Variants in ZNF831 observed in about 807,000 individuals in gnomAD.
ZNF831 encodes zinc finger protein 831.
Under a neutral mutation model 95.8 loss-of-function variants are expected in ZNF831, and 59 were observed. That is an observed-to-expected ratio of 0.62 (90% CI 0.50 to 0.77). The LOEUF (loss-of-function observed/expected upper bound fraction) is 0.77, where lower values mean the gene tolerates loss of function less well. Ranked by LOEUF, ZNF831 falls within the 30% of genes least tolerant of loss-of-function variation. The pLI is 0.00. For synonymous variants in ZNF831, 961 were observed against 925.5 expected, an observed-to-expected ratio of 1.04 and a Z score of -0.70; for missense variants, 2,205 against 2,164.0, an observed-to-expected ratio of 1.02 and a Z score of -0.38.
chr20:59,194,763 G>T lies in ZNF831; in HGVS notation c.3738+6G>T. ...GGCCGGCGCAGATGTCCAAGGTAAA[G>T]CTGGGCTTTGCCCCAGGGCCCGGGG... On this transcript the variant is annotated splice_donor_region_variant and intron_variant, in intron 2 of 5. Coordinates refer to ENST00000371030, the MANE Select transcript of ZNF831 (RefSeq NM_178457.3). 6.5e-7 allele frequency: 1 copy of T among 1,543,114 alleles called. No homozygotes were observed. The highest frequency in any genetic ancestry group is 8.7e-7 in the Non-Finnish European group (1 of 1,147,150).
chr20:59,248,816 C>T (rs1317909476), intron 4 of ZNF831, among the ~76,000 whole-genome samples: 3 of 152,174 alleles, frequency 2.0e-5, no homozygotes, highest in Non-Finnish European at 4.4e-5. Context: ...CTTGAATCCA[C>T]CCCTTTTTTC....
At chr20:59,229,394 A>G (rs1294796519) in intron 4 of ZNF831, among the ~76,000 whole-genome samples, 1 of 152,172 alleles carries the variant, frequency 6.6e-6, no homozygotes, top group Admixed American at 6.5e-5. Context: ...TCTGCTGGCC[A>G]AGGAGAGTCA....
chr20:59,174,151 G>A (rs1981958252), intron 1 of ZNF831, among the ~76,000 whole-genome samples: 1 of 152,162 alleles, frequency 6.6e-6, no homozygotes, highest in Admixed American at 6.5e-5. Context: ...CTTGTGGCAT[G>A]CATAGAGGAA....
intron 1 of ZNF831, among the ~76,000 whole-genome samples, chr20:59,183,768 A>G (rs532836062): frequency 6.6e-6 from 1 of 152,320 alleles, no homozygotes; most frequent in South Asian, 2.1e-4. Flanking sequence ...AGGTTTGCAG[A>G]AAAATGAGGA....
chr20:59,251,268 C>T (rs1011159265), intron 4 of ZNF831, among the ~76,000 whole-genome samples: 8 of 152,202 alleles, frequency 5.3e-5, no homozygotes, highest in East Asian at 3.8e-4. Context: ...GAATGAAGAT[C>T]GACCCAGGCT....
chr20:59,225,348 A>G (rs1169772555), intron 4 of ZNF831, among the ~76,000 whole-genome samples: 4 of 152,210 alleles, frequency 2.6e-5, no homozygotes, highest in Non-Finnish European at 5.9e-5. Context: ...TGGTCCTGAC[A>G]GCTCAAGTCT....
intron 1 of ZNF831, among the ~76,000 whole-genome samples, chr20:59,144,154 CAG>C (rs1568723735): frequency 6.6e-6 from 1 of 152,070 alleles, no homozygotes; most frequent in African/African-American, 2.4e-5. Flanking sequence ...TCATCTGAAG[CAG>C]AGTTTTTACT....
intron 2 of ZNF831, among the ~76,000 whole-genome samples, chr20:59,158,819 C>T (rs1980682052): frequency 6.6e-6 from 1 of 152,094 alleles, no homozygotes; most frequent in Admixed American, 6.5e-5. Flanking sequence ...CACAGAAATT[C>T]CCACATCCCT....
chr20:59,253,762 T>C, intron 5 of ZNF831, 136 bp from the exon 6 acceptor site: 1 of 976,524 alleles, frequency 1.0e-6, no homozygotes, highest in Non-Finnish European at 1.5e-6. Flanking sequence ...GGGCGTCATA[T>C]TGAAGTTCAC....
At chr20:59,137,894 C>G (rs1237133147) in intron 1 of ZNF831, among the ~76,000 whole-genome samples, 2 of 152,172 alleles carry the variant, frequency 1.3e-5, no homozygotes, top group African/African-American at 4.8e-5. Flanking sequence ...AGACTGTGGC[C>G]CCTTCCTCAC....
chr20:59,128,815 G>A (rs1385794179), intron 1 of ZNF831, among the ~76,000 whole-genome samples: 1 of 152,228 alleles, frequency 6.6e-6, no homozygotes, highest in Non-Finnish European at 1.5e-5. Flanking sequence ...AGGCTGGAGT[G>A]CAGTGGTGCA....
intron 2 of ZNF831, among the ~76,000 whole-genome samples, chr20:59,152,312 T>TGGGA (rs140844): frequency 0.084 from 12,744 of 151,590 alleles, 1,153 homozygotes; most frequent in African/African-American, 0.23. Flanking sequence ...GGTTCGGGAG[T>TGGGA]GGGAGATCAC....
intron 3 of ZNF831, among the ~76,000 whole-genome samples, chr20:59,201,755 G>A (rs2146623580): frequency 6.6e-6 from 1 of 152,266 alleles, no homozygotes; most frequent in Non-Finnish European, 1.5e-5. Context: ...ATACCACACT[G>A]ACTTGATTAC....
chr20:59,183,248 C>T (rs1038075094), intron 1 of ZNF831, among the ~76,000 whole-genome samples: 2 of 152,192 alleles, frequency 1.3e-5, no homozygotes, highest in Non-Finnish European at 2.9e-5. Context: ...TGGAGCCAGG[C>T]CTGACCTTAC....
chr20:59,241,261 G>C (rs1294304713), intron 4 of ZNF831, among the ~76,000 whole-genome samples: 1 of 151,652 alleles, frequency 6.6e-6, no homozygotes, highest in East Asian at 1.9e-4. Flanking sequence ...GCTAAGTCTT[G>C]ATATTTTATT....
rs1983679114 is a variant in ZNF831, at chr20:59,192,583, C to T, written c.1564C>T (p.Pro522Ser). The T allele has an allele frequency of 6.6e-7, 1 of 1,513,542 alleles. No individual in the cohort carries two copies. The highest frequency in any genetic ancestry group is 1.3e-5 in the South Asian group (1 of 74,762). 93.8% of individuals were successfully genotyped at this position (1,513,542 alleles called of 1,614,324 possible). A position where few individuals can be genotyped will look rare whatever the true frequency, so the allele number is the denominator to read the frequency against. The change falls in exon 2 of 6, where the codon CCC becomes TCC. Residue 522 changes from proline (P) to serine (S), a missense_variant. By Grantham distance (74) the Pro-to-Ser change is moderately conservative. Transcript: ENST00000371030. This position sits in a 1 kb window ranked among gnomAD's most constrained non-coding sequence, Gnocchi z 5.2. ...GSRTWLEPRE[P>S]RDPWSRTQKP... Reference sequence around the variant, plus strand: ...CAGGACGTGGCTGGAGCCCAGGGAGCCCCGGGACCCCTGGTCCAGGACGCA... The same window carrying T: ...CAGGACGTGGCTGGAGCCCAGGGAGTCCCGGGACCCCTGGTCCAGGACGCA...
At chr20:59,199,512 G>A (rs560420588) in intron 3 of ZNF831, among the ~76,000 whole-genome samples, 2 of 151,998 alleles carry the variant, frequency 1.3e-5, no homozygotes, top group East Asian at 3.9e-4. Context: ...GATTTTTAAG[G>A]TCAACATTGT....
intron 3 of ZNF831, 42 bp from the exon 4 acceptor site, chr20:59,206,863 T>C: frequency 6.3e-7 from 1 of 1,592,462 alleles, no homozygotes; most frequent in South Asian, 1.1e-5. Context: ...AGGCATGTGC[T>C]CTCCAGGCTG....
Position 59,201,289 on chromosome 20 carries a change from C to A in ZNF831, c.3875+5284C>A, listed in dbSNP as rs576636650. ...TTTAGCATTTGTATATCTTCTCTGG[C>A]GAAGTGTCTCTTCAAATCTTTTGCG... On this transcript the variant is annotated intron_variant, in intron 3 of 5. Coordinates refer to ENST00000371030, the MANE Select transcript of ZNF831 (RefSeq NM_178457.3). Among the ~76,000 whole-genome samples the A allele has an allele frequency of 2.0e-5, 3 of 152,084 alleles. No homozygotes were observed. The East Asian group carries it at 5.8e-4, about 29-fold the overall frequency.
Sources: gnomAD v4.1 joint callset for allele counts (sites outside exome capture counted in the v4.1 genomes callset) on GRCh38, gnomAD v4.1.1 for gene constraint, Gnocchi (gnomAD v3.1) non-coding constraint, MANE v1.5 for transcripts, NCBI Gene and HGNC (gene_info 2026-07-23, HGNC 2026-07-21) for gene names.